The following INCENP variants were observed in gnomAD, a reference collection of about 807,000 sequenced individuals.
The protein encoded by INCENP is binds and activates aurora-B and -C in vivo and in vitro.
In INCENP, 43 loss-of-function variants were observed where a neutral mutation model predicts 107.3. That is an observed-to-expected ratio of 0.40 (90% CI 0.31 to 0.52). The LOEUF (loss-of-function observed/expected upper bound fraction) is 0.52, where lower values mean the gene tolerates loss of function less well. INCENP is among the 20% of genes least tolerant of loss of function. INCENP has a pLI of 0.53. For missense variants in INCENP, 1,089 were observed against 1,250.9 expected (o/e 0.87, Z 1.95); for synonymous variants, 488 against 494.4 (o/e 0.99, Z 0.17).
chr11:62,140,336 G>A, intron 8 of INCENP, 51 bp downstream of exon 8: 2 of 1,476,580 alleles, frequency 1.4e-6, no homozygotes, highest in South Asian at 1.1e-5. Context: ...CCTGGAGGAT[G>A]TGGCCTTGTG....
intron 17 of INCENP, 30 bp downstream of exon 17, chr11:62,148,876 T>G: frequency 1.4e-6 from 2 of 1,457,470 alleles, no homozygotes; most frequent in African/African-American, 2.8e-5. Flanking sequence ...GGAGAGGCTC[T>G]CAGGTGGAGG....
intron 4 of INCENP, among the ~76,000 whole-genome samples, chr11:62,131,986 A>C (rs1230949998): frequency 6.6e-6 from 1 of 152,000 alleles, no homozygotes; most frequent in African/African-American, 2.4e-5. Flanking sequence ...ATGGGGTTTC[A>C]CCATGTTGGC....
chr11:62,144,555 C>G (rs1410318234), intron 11 of INCENP, among the ~76,000 whole-genome samples: 1 of 152,082 alleles, frequency 6.6e-6, no homozygotes, highest in Non-Finnish European at 1.5e-5. Flanking sequence ...TAAGTTAAAC[C>G]TTGCATCTGC....
At chr11:62,124,506 A>C (rs1239314143) in intron 1 of INCENP, among the ~76,000 whole-genome samples, 1 of 152,202 alleles carries the variant, frequency 6.6e-6, no homozygotes. Flanking sequence ...ATGATGCCAG[A>C]TGGCATTTCT....
rs778909735 is a variant in INCENP, at chr11:62,137,822, T to C, written c.1064-10T>C. The C allele has an allele frequency of 4.3e-6, 7 of 1,613,872 alleles. No homozygotes were observed. Among genetic ancestry groups the C allele is most frequent in the Admixed American group, 1.7e-5 (1 of 60,018 alleles). ...GATGAGATCTTTTGTGCCTTTCTTT[T>C]CCCCCTCAGGTCACAGTTACCTGGA... On this transcript the variant is annotated splice_polypyrimidine_tract_variant and intron_variant, in intron 4 of 18. Coordinates refer to ENST00000394818, the MANE Select transcript of INCENP (RefSeq NM_001040694.2).
intron 10 of INCENP, 132 bp downstream of exon 10, chr11:62,141,176 C>T: frequency 1.6e-6 from 2 of 1,240,462 alleles, no homozygotes; most frequent in Non-Finnish European, 2.2e-6. Context: ...CTGTTAGGGG[C>T]CGGTTGAAGC....
At chr11:62,141,143 G>A in intron 10 of INCENP, 99 bp downstream of exon 10, 2 of 1,478,668 alleles carry the variant, frequency 1.4e-6, no homozygotes, top group East Asian at 2.5e-5. Flanking sequence ...GTGAGCCTGG[G>A]CGGAGGCAAG....
rs183292678 is a variant in INCENP, at chr11:62,129,237, G to A, written c.254+354G>A. On this transcript the variant is annotated intron_variant, in intron 3 of 18. Coordinates refer to ENST00000394818, the MANE Select transcript of INCENP (RefSeq NM_001040694.2). ...GTAGACCACGTGCCTTGTCCCAGCC[G>A]TCATATTGTCATGCTTGTTTTAGTC... Among the ~76,000 whole-genome samples, 85 of 152,240 alleles carry A rather than the reference G, an allele frequency of 5.6e-4. 1 individual carries two copies. The highest frequency in any genetic ancestry group is 3.3e-3 in the Admixed American group (51 of 15,300).
intron 8 of INCENP, 47 bp from the exon 9 acceptor site, chr11:62,140,657 G>T: frequency 6.8e-7 from 1 of 1,473,434 alleles, no homozygotes; most frequent in Non-Finnish European, 9.2e-7. Flanking sequence ...GGGTGTGGCT[G>T]GGCTGTGGCG....
At chr11:62,142,953 G>A (rs1944155762) in intron 11 of INCENP, among the ~76,000 whole-genome samples, 1 of 152,226 alleles carries the variant, frequency 6.6e-6, no homozygotes, top group Non-Finnish European at 1.5e-5. Flanking sequence ...CAGCCAGGAA[G>A]CTGGGGCTTC....
intron 7 of INCENP, 34 bp downstream of exon 7, chr11:62,139,039 G>GCTGTGGCTCCGGGCACT: frequency 6.7e-7 from 1 of 1,501,188 alleles, no homozygotes; most frequent in Non-Finnish European, 9.3e-7. Flanking sequence ...TGCAGTGCCC[G>GCTGTGGCTCCGGGCACT]GAGCCACAGC....
Position 62,148,747 on chromosome 11 carries a change from G to A in INCENP, c.2292G>A (p.Gln764=). The part of the protein sequence containing the change: ...ELEEKKKKEE[Q]QRLAERQLQE... Reference sequence around the variant, plus strand: ...TGCCACCTGGGTTCCAGGAAGAGCAGCAGCGTCTGGCTGAGCGGCAGCTGC... The same window carrying A: ...TGCCACCTGGGTTCCAGGAAGAGCAACAGCGTCTGGCTGAGCGGCAGCTGC... Residue 764 remains glutamine (Q), a synonymous_variant, in exon 17 of 19, where the codon CAG becomes CAA. Transcript: ENST00000394818. 6.3e-7 allele frequency: 1 copy of A among 1,588,310 alleles called. No homozygotes were observed. Among genetic ancestry groups the A allele is most frequent in the Non-Finnish European group, 8.6e-7 (1 of 1,168,984 alleles).
intron 3 of INCENP, 61 bp from the exon 4 acceptor site, chr11:62,129,721 G>C: frequency 7.3e-7 from 1 of 1,363,500 alleles, no homozygotes; most frequent in Non-Finnish European, 1.0e-6. Context: ...GGCTCTTGGA[G>C]AGACTGGGTG....
At chr11:62,145,495 G>T (rs1311369979) in intron 13 of INCENP, 134 bp from the exon 14 acceptor site, 2 of 1,334,018 alleles carry the variant, frequency 1.5e-6, no homozygotes, top group Admixed American at 2.6e-5. Context: ...CCGGCTTCTG[G>T]TGTCCTCTCC....
At chr11:62,148,395 TG>T in intron 15 of INCENP, 80 bp from the exon 16 acceptor site, 2 of 1,330,130 alleles carry the variant, frequency 1.5e-6, no homozygotes, top group South Asian at 2.6e-5. Context: ...TGGCTGGGCC[TG>T]GTTTCCCCAG....
At chr11:62,132,513 G>A (rs1237937622) in intron 4 of INCENP, among the ~76,000 whole-genome samples, 1 of 152,234 alleles carries the variant, frequency 6.6e-6, no homozygotes, top group Non-Finnish European at 1.5e-5. Context: ...TTCTCAGAAG[G>A]ATCTAAATGG....
In INCENP at chr11:62,129,996, G is replaced by A. The variant is rs34210125; in HGVS notation, c.469G>A (p.Glu157Lys). 1,375 of 1,614,062 alleles carry A rather than the reference G, an allele frequency of 8.5e-4. 9 individuals are homozygous for A. The African/African-American group carries it at 0.016, about 18-fold the overall frequency. The change falls in exon 4 of 19, where the codon GAG (glutamate) becomes AAG (lysine). Residue 157 changes from glutamate to lysine, a missense_variant. By Grantham distance (56) the Glu-to-Lys change is moderately conservative. Coordinates refer to ENST00000394818, the MANE Select transcript of INCENP (RefSeq NM_001040694.2). ...TCCCACGATGCTGACTAAGAAGCCC[G>A]AGGATAACCACACCCAGTGCCAGCT... The part of the protein sequence containing the change: ...ESPTMLTKKP[E>K]DNHTQCQLVP...
chr11:62,145,890 C>A (rs11230926), intron 14 of INCENP, 139 bp downstream of exon 14: 25 of 1,074,992 alleles, frequency 2.3e-5, no homozygotes, highest in East Asian at 5.4e-5. Context: ...AGGAGGTTTC[C>A]CAGAAGTCTC....
chr11:62,127,043 G>GT (rs61614201), intron 1 of INCENP, among the ~76,000 whole-genome samples: 50,131 of 145,446 alleles, frequency 0.34, 9,190 homozygotes, highest in Middle Eastern at 0.43. Flanking sequence ...TTTTTGTTTT[G>GT]TTTTTTTTTT....
Sources: gnomAD v4.1 joint callset for allele counts (sites outside exome capture counted in the v4.1 genomes callset) on GRCh38, gnomAD v4.1.1 for gene constraint, MANE v1.5 for transcripts, NCBI Gene and HGNC (gene_info 2026-07-23, HGNC 2026-07-21) for gene names.